Variants in MDN1 observed in about 807,000 individuals in gnomAD.
The protein encoded by MDN1 is midasin.
In MDN1, 266 loss-of-function variants were observed where a neutral mutation model predicts 669.2. That is an observed-to-expected ratio of 0.40 (90% confidence interval 0.36 to 0.44). The LOEUF is 0.44. Ranked by LOEUF, MDN1 falls within the 20% of genes least tolerant of loss-of-function variation. The probability of loss-of-function intolerance (pLI) is 1.00; values close to 1 mark genes in which losing one functional copy is unlikely to be tolerated. For missense variants in MDN1, 5,940 were observed against 6,754.0 expected, an observed-to-expected ratio of 0.88 and a Z score of 4.22; for synonymous variants, 2,385 against 2,457.1, an observed-to-expected ratio of 0.97 and a Z score of 0.87.
In MDN1 at chr6:89,658,864, C is replaced by T. The variant is rs1809520603; in HGVS notation, c.14767G>A (p.Glu4923Lys). 6.2e-7 allele frequency: 1 copy of T among 1,614,100 alleles called. No individual in the cohort carries two copies. The highest frequency in any genetic ancestry group is 1.3e-5 in the African/African-American group (1 of 74,940). Residue 4923 changes from glutamate (E) to lysine (K), a missense_variant, in exon 89 of 102, where the codon GAG becomes AAG. Physicochemically the swap from Glu to Lys is moderately conservative, Grantham distance 56. Transcript: ENST00000369393. ...EKPEEAGHEA[E>K]ERGETETDQN... is the part of the protein sequence containing the mutation. ...TCGGTCTCGGTCTCTCCTCTTTCCTCAGCTTCATGACCTGCTTCTTCTGGT... is the reference window on the plus strand; with the variant it reads ...TCGGTCTCGGTCTCTCCTCTTTCCTTAGCTTCATGACCTGCTTCTTCTGGT...
chr6:89,773,262 CAGAGCATGGTGGCACAA>C (rs1391276804), intron 13 of MDN1, among the ~76,000 whole-genome samples: 1 of 151,972 alleles, frequency 6.6e-6, no homozygotes, highest in African/African-American at 2.4e-5. Context: ...ACACACAAGG[CAGAGCATGGTGGCACAA>C]GCCTGTAACC....
At position 89,708,579 on chromosome 6, in the gene MDN1, G is replaced by A. The variant is rs138465769; in HGVS notation, c.7815C>T (p.Asp2605=). 9.9e-6 allele frequency: 16 copies of A among 1,613,984 alleles called. No individual in the cohort carries two copies. The African/African-American group carries it at 2.1e-4, about 22-fold the overall frequency. Residue 2605 remains aspartate (D), a synonymous_variant, in exon 51 of 102, where the codon GAC becomes GAT. Coordinates refer to ENST00000369393, the MANE Select transcript of MDN1 (RefSeq NM_014611.3). The part of the protein sequence containing the change: ...LDPRWNMQAL[D]MIRNLMDFDP... ...CAAAGTCCATCAAATTTCTAATCAT[G>A]TCCAGAGCCTGCATATTCCATCGGG...
chr6:89,701,780 A>G, intron 54 of MDN1, 102 bp from the exon 55 acceptor site: 1 of 1,520,812 alleles, frequency 6.6e-7, no homozygotes, highest in Non-Finnish European at 8.8e-7. Context: ...TTTTAATTGT[A>G]CATTCACCAA....
chr6:89,672,864 A>C (rs1198327019), intron 80 of MDN1, among the ~76,000 whole-genome samples, 162 bp from the exon 81 acceptor site: 2 of 152,220 alleles, frequency 1.3e-5, no homozygotes, highest in African/African-American at 4.8e-5. Context: ...CGATAAACCT[A>C]CAAGTTTATT....
chr6:89,722,867 AG>A, intron 40 of MDN1, 87 bp downstream of exon 40: 33 of 1,029,960 alleles, frequency 3.2e-5, no homozygotes, highest in Admixed American at 5.3e-5. Flanking sequence ...AAAAAAAAAA[AG>A]GCTTGCAATT....
Position 89,730,837 on chromosome 6 carries a change from G to A in MDN1, c.5029C>T (p.Arg1677Ter), listed in dbSNP as rs763036622. 9 of 1,613,678 alleles carry A rather than the reference G, an allele frequency of 5.6e-6. No individual in the cohort carries two copies. The highest frequency in any genetic ancestry group is 4.0e-5 in the African/African-American group (3 of 74,810). The stretch of plus-strand genomic sequence containing the variant: ...TCATTTTTCTGATATTCTGTAAGTC[G>A]TACTATCTTGGCAAGCCTCTTGATT... ...FLIKRLAKIV[R>*]LTEYQKNELK... The change falls in exon 35 of 102, where the codon CGA (arginine) becomes TGA (stop). Residue 1677 changes from arginine to a stop codon, truncating the protein, a stop_gained. Coordinates refer to ENST00000369393, the MANE Select transcript of MDN1 (RefSeq NM_014611.3). LOFTEE classifies it high-confidence loss of function.
intron 59 of MDN1, among the ~76,000 whole-genome samples, chr6:89,698,193 G>C (rs900159007): frequency 3.3e-5 from 5 of 152,112 alleles, no homozygotes; most frequent in Non-Finnish European, 7.4e-5. Flanking sequence ...CACATTTCCA[G>C]TCTGGCAATA....
chr6:89,697,037 T>G (rs1812803893), intron 59 of MDN1, among the ~76,000 whole-genome samples: 1 of 152,218 alleles, frequency 6.6e-6, no homozygotes, highest in Non-Finnish European at 1.5e-5. Flanking sequence ...GTCAACTCTG[T>G]ATAATGCCAT....
At chr6:89,723,188 C>G (rs1418333444) in intron 39 of MDN1, 45 bp from the exon 40 acceptor site, 2 of 1,557,004 alleles carry the variant, frequency 1.3e-6, no homozygotes, top group East Asian at 2.2e-5. Flanking sequence ...CTGCTTACTA[C>G]TAGGCACTGC....
chr6:89,723,041 C>T lies in MDN1; in HGVS notation c.5881G>A (p.Asp1961Asn). The T allele has an allele frequency of 6.2e-7, 1 of 1,614,070 alleles. No individual in the cohort carries two copies. The highest frequency in any genetic ancestry group is 2.2e-5 in the East Asian group (1 of 44,876). ...GGATCATAACACCCAGGGGACTGGT[C>T]AACCAGCATCAACTGACACCAGCGG... ...LFRWCQLMLVDQSPGCYDPGQ... is the reference protein window; with the variant it reads ...LFRWCQLMLVNQSPGCYDPGQ... The change falls in exon 40 of 102, where the codon GAC becomes AAC. Residue 1961 changes from aspartate (D) to asparagine (N), a missense_variant. Transcript: ENST00000369393.
intron 84 of MDN1, among the ~76,000 whole-genome samples, chr6:89,667,650 A>G (rs1810350248): frequency 1.3e-5 from 2 of 152,220 alleles, no homozygotes; most frequent in South Asian, 4.1e-4. Context: ...ACCTATTAAC[A>G]GCAAATTTTG....
chr6:89,702,758 GA>G (rs1426476051), intron 53 of MDN1, among the ~76,000 whole-genome samples: 2 of 152,214 alleles, frequency 1.3e-5, no homozygotes, highest in South Asian at 4.2e-4. Context: ...AAATTTTGAT[GA>G]AATCAATTTA....
intron 53 of MDN1, 72 bp downstream of exon 53, chr6:89,705,987 A>G: frequency 1.5e-6 from 2 of 1,377,470 alleles, no homozygotes; most frequent in South Asian, 3.2e-5. Context: ...AGTTAGTCTT[A>G]GCCCTAAGAA....
chr6:89,774,510 G>C, intron 13 of MDN1, 111 bp downstream of exon 13: 1 of 752,312 alleles, frequency 1.3e-6, no homozygotes, highest in East Asian at 2.6e-5. Context: ...GCATACTACA[G>C]ATATCACAGT....
At chr6:89,654,487 G>C (rs1297782729) in intron 92 of MDN1, among the ~76,000 whole-genome samples, 153 bp from the exon 93 acceptor site, 1 of 152,168 alleles carries the variant, frequency 6.6e-6, no homozygotes, top group East Asian at 1.9e-4. Flanking sequence ...AGACTTGTCT[G>C]TGCACAAGAT....
At position 89,729,148 on chromosome 6, in the gene MDN1, G is replaced by T. The variant is rs1815416275; in HGVS notation, c.5141-9C>A. On this transcript the variant is annotated splice_polypyrimidine_tract_variant and intron_variant, in intron 35 of 101. Coordinates refer to ENST00000369393, the MANE Select transcript of MDN1 (RefSeq NM_014611.3). Reference sequence around the variant, plus strand: ...CCTGTGTAGGACAGGTCCTTAAGTGGAGAAAAGTAAAGTCATGTATAAGCG... The same window carrying T: ...CCTGTGTAGGACAGGTCCTTAAGTGTAGAAAAGTAAAGTCATGTATAAGCG... 2 of 1,607,044 alleles carry T rather than the reference G, an allele frequency of 1.2e-6. No homozygotes were observed. Among genetic ancestry groups the T allele is most frequent in the African/African-American group, 1.3e-5 (1 of 74,880 alleles).
chr6:89,735,445 T>A (rs1815910097), intron 33 of MDN1, among the ~76,000 whole-genome samples: 1 of 151,264 alleles, frequency 6.6e-6, no homozygotes, highest in African/African-American at 2.4e-5. Context: ...ATAATCATAG[T>A]TCATTGTAAT....
chr6:89,662,785 G>C lies in MDN1; in HGVS notation c.14412+7C>G. The C allele has an allele frequency of 2.5e-6, 4 of 1,613,822 alleles. No homozygotes were observed. In the South Asian group the frequency reaches 3.3e-5, roughly 13 times the overall value. ...CTTGTTTGGGAGGGGAGAAATCTTTGAATTACCTCATCCATTCCTGGTCCT... is the reference window on the plus strand; with the variant it reads ...CTTGTTTGGGAGGGGAGAAATCTTTCAATTACCTCATCCATTCCTGGTCCT... On this transcript the variant is annotated splice_region_variant and intron_variant, in intron 86 of 101. Coordinates refer to ENST00000369393, the MANE Select transcript of MDN1 (RefSeq NM_014611.3).
chr6:89,651,589 C>T (rs1022622904), intron 95 of MDN1, among the ~76,000 whole-genome samples: 6 of 151,980 alleles, frequency 3.9e-5, no homozygotes, highest in Non-Finnish European at 5.9e-5. Context: ...GCACTCCAGC[C>T]GGGGCAAGAG....
Sources: allele counts gnomAD v4.1 joint callset (sites outside exome capture counted in the v4.1 genomes callset), GRCh38; gene constraint gnomAD v4.1.1; transcripts MANE v1.5; gene names NCBI Gene and HGNC (gene_info 2026-07-23, HGNC 2026-07-21).